The following RABGAP1L variants were observed in gnomAD, a reference collection of about 807,000 sequenced individuals.
RABGAP1L encodes the protein rab GTPase-activating protein 1-like.
Under a neutral mutation model 137.7 loss-of-function variants are expected in RABGAP1L, and 63 were observed. The ratio of observed to expected loss-of-function variants is 0.46; its 90% CI spans 0.37 to 0.56. The LOEUF (loss-of-function observed/expected upper bound fraction) is 0.56. Ranked by LOEUF, RABGAP1L falls within the 20% of genes least tolerant of loss-of-function variation. RABGAP1L has a pLI of 0.00. For synonymous variants in RABGAP1L, 431 were observed against 433.7 expected (o/e 0.99, Z 0.08); for missense variants, 1,095 against 1,244.0 (o/e 0.88, Z 1.80).
chr1:174,759,676 G>C (rs1685068035), intron 18 of RABGAP1L, among the ~76,000 whole-genome samples: 1 of 152,062 alleles, frequency 6.6e-6, no homozygotes, highest in South Asian at 2.1e-4. Flanking sequence ...ACTGATATCT[G>C]CTTCTGGTGA....
chr1:174,777,470 A>G (rs577528580), intron 18 of RABGAP1L, among the ~76,000 whole-genome samples: 6 of 152,304 alleles, frequency 3.9e-5, no homozygotes, highest in East Asian at 3.9e-4. Flanking sequence ...GACATTGCCC[A>G]GTGTTCCCCT....
intron 5 of RABGAP1L, among the ~76,000 whole-genome samples, chr1:174,247,255 C>T (rs1312966347): frequency 1.3e-5 from 2 of 152,100 alleles, no homozygotes; most frequent in Non-Finnish European, 2.9e-5. Context: ...GGTTTAACTA[C>T]CAATGTATGC....
At chr1:174,970,783 C>T (rs1670064255) in intron 21 of RABGAP1L, among the ~76,000 whole-genome samples, 1 of 151,882 alleles carries the variant, frequency 6.6e-6, no homozygotes, top group African/African-American at 2.4e-5. Flanking sequence ...TTGTTTACTG[C>T]AGTGTTACTT....
At chr1:174,234,187 T>A (rs1221151575) in intron 4 of RABGAP1L, among the ~76,000 whole-genome samples, 1 of 102,222 alleles carries the variant, frequency 9.8e-6, no homozygotes, top group African/African-American at 6.1e-5. Context: ...GATGAGTAGG[T>A]TGTGAAAATT....
At chr1:174,550,997 C>CATATATATATATATATATATATAT (rs1252681895) in intron 13 of RABGAP1L, among the ~76,000 whole-genome samples, 1 of 92,208 alleles carries the variant, frequency 1.1e-5, no homozygotes, top group South Asian at 3.0e-4. Context: ...TATATATATA[C>CATATATATATATATATATATATAT]ACATATATAT....
At chr1:174,300,866 AAATG>A (rs948232148) in intron 10 of RABGAP1L, among the ~76,000 whole-genome samples, 1 of 152,178 alleles carries the variant, frequency 6.6e-6, no homozygotes, top group Admixed American at 6.5e-5. Context: ...ACTCTATCTC[AAATG>A]AATGAATGAA....
chr1:174,212,747 C>G (rs4447042), intron 1 of RABGAP1L, among the ~76,000 whole-genome samples: 2 of 151,634 alleles, frequency 1.3e-5, no homozygotes, highest in Non-Finnish European at 2.9e-5. Flanking sequence ...TCAACAAAAC[C>G]AAAAGCTGGT....
chr1:174,711,339 A>T (rs568413110), intron 17 of RABGAP1L, among the ~76,000 whole-genome samples: 1 of 152,112 alleles, frequency 6.6e-6, no homozygotes, highest in East Asian at 1.9e-4. Flanking sequence ...GTGGGAGCCC[A>T]GGCAGAGGAG....
intron 19 of RABGAP1L, among the ~76,000 whole-genome samples, chr1:174,833,087 A>G (rs1368129565): frequency 1.3e-5 from 2 of 151,902 alleles, no homozygotes; most frequent in African/African-American, 2.4e-5. Flanking sequence ...TTGCTTTACT[A>G]CCTCTTTTAC....
chr1:174,527,346 G>A (rs1663977744), intron 13 of RABGAP1L, among the ~76,000 whole-genome samples: 1 of 151,844 alleles, frequency 6.6e-6, no homozygotes, highest in African/African-American at 2.4e-5. Flanking sequence ...GGGATTACAG[G>A]CACCTGCCAC....
chr1:174,840,837 AAAAG>A (rs1349374743), intron 19 of RABGAP1L, among the ~76,000 whole-genome samples: 6 of 151,248 alleles, frequency 4.0e-5, no homozygotes, highest in Admixed American at 6.6e-5. Context: ...TAAAAAAAAA[AAAAG>A]AAGAAGAAGG....
At chr1:174,697,262 TAGAA>T (rs1301078059) in intron 15 of RABGAP1L, among the ~76,000 whole-genome samples, 1 of 152,178 alleles carries the variant, frequency 6.6e-6, no homozygotes, top group Non-Finnish European at 1.5e-5. Flanking sequence ...GACATTTACT[TAGAA>T]AGAGAGAGAC....
At chr1:174,189,253 C>A (rs1342412483) in intron 1 of RABGAP1L, among the ~76,000 whole-genome samples, 3 of 152,190 alleles carry the variant, frequency 2.0e-5, no homozygotes, top group Non-Finnish European at 4.4e-5. Context: ...GATCCACCCA[C>A]CTCTGCCTCC....
chr1:174,421,454 C>A (rs1219257520), intron 13 of RABGAP1L, among the ~76,000 whole-genome samples: 3 of 152,198 alleles, frequency 2.0e-5, no homozygotes, highest in African/African-American at 7.2e-5. Flanking sequence ...AGAATAAAAT[C>A]CAGAATTTTT....
intron 13 of RABGAP1L, among the ~76,000 whole-genome samples, chr1:174,507,528 C>T (rs1220490380): frequency 6.6e-6 from 1 of 151,978 alleles, no homozygotes; most frequent in African/African-American, 2.4e-5. Context: ...ATGCAAATAA[C>T]CTCCATCTCT....
chr1:174,436,772 C>G lies in RABGAP1L; in HGVS notation c.1710+42627C>G, dbSNP rs148234112. On this transcript the variant is annotated intron_variant, in intron 13 of 25. Coordinates refer to ENST00000681986, the MANE Select transcript of RABGAP1L (RefSeq NM_001366446.1). ...TCTCAGAATGGGCAGACTGCCTCCTCAAGTGGGTCCCTGACCCCTGAGTAG... is the reference window on the plus strand; with the variant it reads ...TCTCAGAATGGGCAGACTGCCTCCTGAAGTGGGTCCCTGACCCCTGAGTAG... Among the ~76,000 whole-genome samples, 1,351 of 152,278 alleles carry G rather than the reference C, an allele frequency of 8.9e-3. 18 individuals carry two copies. Among genetic ancestry groups the G allele is most frequent in the African/African-American group, 0.031 (1,274 of 41,556 alleles).
intron 17 of RABGAP1L, among the ~76,000 whole-genome samples, chr1:174,745,467 A>C (rs1472512661): frequency 6.6e-6 from 1 of 152,196 alleles, no homozygotes; most frequent in Non-Finnish European, 1.5e-5. Context: ...TTAATCCATC[A>C]CAGATATCTA....
chr1:174,337,221 CTT>C (rs1322180129), intron 11 of RABGAP1L, among the ~76,000 whole-genome samples: 1 of 152,022 alleles, frequency 6.6e-6, no homozygotes, highest in Admixed American at 6.6e-5. Context: ...GCTGTAGTCT[CTT>C]TGAGGCTTGG....
chr1:174,341,024 AT>A lies in RABGAP1L; in HGVS notation c.1466-29945del, dbSNP rs964152290. On this transcript the variant is annotated intron_variant, in intron 11 of 25. Transcript: ENST00000681986. ...ATTTCTCTAATGATCAGTGATGTTG[AT>A]TTTTTTTTTCATGTTAGTTGGCTGC... is the stretch of plus-strand genomic sequence containing the variant. Among the ~76,000 whole-genome samples, 68 of 148,382 alleles carry A rather than the reference AT, an allele frequency of 4.6e-4. No individual in the cohort carries two copies. In the East Asian group the frequency reaches 8.9e-3, roughly 20 times the overall value.
Sources: allele counts gnomAD v4.1 joint callset (sites outside exome capture counted in the v4.1 genomes callset), GRCh38; gene constraint gnomAD v4.1.1; transcripts MANE v1.5; gene names NCBI Gene and HGNC (gene_info 2026-07-23, HGNC 2026-07-21).